Variants in PRRC2C observed in about 807,000 individuals in gnomAD.
PRRC2C encodes proline rich coiled-coil 2C, also known as protein PRRC2C.
Under a neutral mutation model 317.2 loss-of-function variants are expected in PRRC2C, and 72 were observed. The observed-to-expected ratio is 0.23, with a 90% CI of 0.19 to 0.28. The LOEUF (loss-of-function observed/expected upper bound fraction) is 0.28. PRRC2C is among the 10% of genes least tolerant of loss of function. PRRC2C has a pLI of 1.00. For missense variants in PRRC2C, 3,074 were observed against 3,459.7 expected, an observed-to-expected ratio of 0.89 and a Z score of 2.80; for synonymous variants, 1,296 against 1,205.9, an observed-to-expected ratio of 1.07 and a Z score of -1.55.
chr1:171,564,937 A>G (rs928845567), intron 20 of PRRC2C, among the ~76,000 whole-genome samples: 3 of 152,234 alleles, frequency 2.0e-5, no homozygotes, highest in African/African-American at 7.2e-5. Flanking sequence ...ATCCGGGTAG[A>G]TATAACATTA....
chr1:171,533,007 T>C, intron 12 of PRRC2C, 46 bp downstream of exon 12: 1 of 1,468,746 alleles, frequency 6.8e-7, no homozygotes, highest in Non-Finnish European at 9.0e-7. Flanking sequence ...TACAAAGAGC[T>C]TTATGTTGGT....
intron 1 of PRRC2C, among the ~76,000 whole-genome samples, chr1:171,497,455 GTTTTTA>G (rs1250182786): frequency 2.0e-5 from 3 of 151,980 alleles, no homozygotes; most frequent in Non-Finnish European, 4.4e-5. Context: ...TCCTAATCTG[GTTTTTA>G]TTTTTATTTT....
At position 171,523,228 on chromosome 1, in the gene PRRC2C, C is replaced by A. The variant is rs748334398; in HGVS notation, c.841C>A (p.Arg281=). Residue 281 remains arginine, a synonymous_variant, in exon 8 of 35, where the codon CGA becomes AGA. Coordinates refer to ENST00000647382, the MANE Select transcript of PRRC2C (RefSeq NM_001387844.1). ...TGACCTGCCTTTCATTAGAGGCCTT[C>A]GAGGAAGAGGCCCACCTCCTTCATG... ...PSLSETNKGL[R]GRGPPPSWAS... is the part of the protein sequence containing the mutation. The A allele has an allele frequency of 6.2e-7, 1 of 1,610,282 alleles. No individual in the cohort carries two copies. Among genetic ancestry groups the A allele is most frequent in the Non-Finnish European group, 8.5e-7 (1 of 1,178,430 alleles).
Position 171,536,162 on chromosome 1 carries a change from A to G in PRRC2C, c.2177A>G (p.His726Arg). 5 of 1,610,408 alleles carry G rather than the reference A, an allele frequency of 3.1e-6. No homozygotes were observed. The highest frequency in any genetic ancestry group is 3.4e-6 in the Non-Finnish European group (4 of 1,178,238). Residue 726 changes from histidine to arginine, a missense_variant, in exon 14 of 35, where the codon CAT (histidine) becomes CGT (arginine). Transcript: ENST00000647382. ...CCTCTTTATCAGCCTATGCAGCCTC[A>G]TCCTCAGCATTTGGCTTCTATGGGT... The part of the protein sequence containing the change: ...HRPLYQPMQP[H>R]PQHLASMGFD...
chr1:171,581,454 A>G (rs1648569848), intron 28 of PRRC2C, among the ~76,000 whole-genome samples: 1 of 152,214 alleles, frequency 6.6e-6, no homozygotes, highest in Admixed American at 6.5e-5. Context: ...TATATTTGTA[A>G]TCCCCATTTC....
rs1200443013 is a variant in PRRC2C, at chr1:171,517,796, A to G, written c.732A>G (p.Arg244=). The G allele has an allele frequency of 6.2e-7, 1 of 1,612,978 alleles. No individual in the cohort carries two copies. The highest frequency in any genetic ancestry group is 2.2e-5 in the East Asian group (1 of 44,888). ...AGGCTGCTCTCGCTTCCCAGTATAG[A>G]GCTATGATGCCTCCTTATGTGAGTA... is the stretch of plus-strand genomic sequence containing the variant. ...GQQAALASQY[R]AMMPPYMFQQ... The change falls in exon 6 of 35, where the codon AGA becomes AGG. Residue 244 remains arginine, a synonymous_variant. Coordinates refer to ENST00000647382, the MANE Select transcript of PRRC2C (RefSeq NM_001387844.1).
intron 28 of PRRC2C, among the ~76,000 whole-genome samples, chr1:171,581,025 A>G (rs760632506): frequency 6.6e-6 from 1 of 152,226 alleles, no homozygotes; most frequent in East Asian, 1.9e-4. Flanking sequence ...CAGAGAGCCT[A>G]GTCATTAGTA....
intron 20 of PRRC2C, among the ~76,000 whole-genome samples, chr1:171,562,121 A>G (rs978628333): frequency 1.3e-5 from 2 of 152,242 alleles, no homozygotes; most frequent in African/African-American, 4.8e-5. Context: ...GCCTACTTAG[A>G]TAATGCTTGA....
At chr1:171,549,655 A>G in intron 17 of PRRC2C, among the ~76,000 whole-genome samples, 1 of 152,154 alleles carries the variant, frequency 6.6e-6, no homozygotes, top group Non-Finnish European at 1.5e-5. Context: ...TCCACCTCCC[A>G]GGTTCAAGTG....
chr1:171,493,637 T>C (rs955818257), intron 1 of PRRC2C, among the ~76,000 whole-genome samples: 8 of 152,168 alleles, frequency 5.3e-5, no homozygotes, highest in African/African-American at 1.9e-4. Context: ...CTGGCCAACA[T>C]GGTGAAACCC....
intron 14 of PRRC2C, 31 bp downstream of exon 14, chr1:171,536,309 G>T: frequency 6.3e-7 from 1 of 1,591,024 alleles, no homozygotes; most frequent in South Asian, 1.1e-5. Context: ...TAGTTTTACA[G>T]GATCAAAATT....
At chr1:171,518,483 ATTTTTTTTCAATTT>A (rs1672833786) in intron 6 of PRRC2C, among the ~76,000 whole-genome samples, 2 of 114,198 alleles carry the variant, frequency 1.8e-5, no homozygotes, top group Non-Finnish European at 3.7e-5. Context: ...TTTTTTTTCA[ATTTTTTTTCAATTT>A]TTTTTTTTTT....
At chr1:171,505,418 T>C (rs547973471) in intron 1 of PRRC2C, among the ~76,000 whole-genome samples, 2 of 152,348 alleles carry the variant, frequency 1.3e-5, no homozygotes, top group Admixed American at 6.5e-5. Flanking sequence ...AATTGAATTT[T>C]GTGTATTGAT....
intron 1 of PRRC2C, among the ~76,000 whole-genome samples, chr1:171,488,868 C>G (rs972428484): frequency 6.6e-6 from 1 of 152,148 alleles, no homozygotes; most frequent in Non-Finnish European, 1.5e-5. Flanking sequence ...GTGATATACT[C>G]ATCCCTGTGT....
intron 16 of PRRC2C, among the ~76,000 whole-genome samples, chr1:171,543,322 CAAAAAA>C (rs1214982713): frequency 1.6e-5 from 1 of 63,004 alleles, no homozygotes; most frequent in Non-Finnish European, 3.3e-5. Context: ...GACTCCGTCT[CAAAAAA>C]AAAAAAAAAA....
Position 171,588,481 on chromosome 1 carries a change from A to G in PRRC2C, c.8175A>G (p.Pro2725=), listed in dbSNP as rs1402751993. Residue 2725 remains proline, a synonymous_variant, in exon 33 of 35, where the codon CCA becomes CCG. Coordinates refer to ENST00000647382, the MANE Select transcript of PRRC2C (RefSeq NM_001387844.1). ...SAPATVRMTQ[P]FPTQFAPQIL... ...CTGCCACTGTGAGAATGACACAACC[A>G]TTTCCTACACAGTTTGCACCCCAGG... 29 of 1,613,816 alleles carry G rather than the reference A, an allele frequency of 1.8e-5. No individual in the cohort carries two copies. The highest frequency in any genetic ancestry group is 2.2e-5 in the Non-Finnish European group (26 of 1,179,776).
intron 29 of PRRC2C, 94 bp downstream of exon 29, chr1:171,584,281 A>C (rs1649350085): frequency 1.5e-6 from 2 of 1,377,920 alleles, no homozygotes; most frequent in Non-Finnish European, 1.0e-6. Flanking sequence ...ATGTTAGAAG[A>C]TGCAATGAAA....
intron 20 of PRRC2C, among the ~76,000 whole-genome samples, chr1:171,561,894 C>T (rs1477129061): frequency 6.6e-6 from 1 of 152,090 alleles, no homozygotes; most frequent in Non-Finnish European, 1.5e-5. Flanking sequence ...TAAGCACTCA[C>T]AGTATTCTAG....
intron 6 of PRRC2C, among the ~76,000 whole-genome samples, chr1:171,521,874 C>G (rs191638160): frequency 6.6e-6 from 1 of 152,220 alleles, no homozygotes; most frequent in African/African-American, 2.4e-5. Context: ...CTCATTGATA[C>G]AGTTACTTTA....
Sources: allele counts gnomAD v4.1 joint callset (sites outside exome capture counted in the v4.1 genomes callset), GRCh38; gene constraint gnomAD v4.1.1; transcripts MANE v1.5; gene names NCBI Gene and HGNC (gene_info 2026-07-23, HGNC 2026-07-21).